The following SLC12A6 variants were observed in gnomAD, a reference collection of about 807,000 sequenced individuals.
SLC12A6 encodes K-Cl cotransporter 3.
A neutral mutation model predicts 135.3 loss-of-function variants in SLC12A6; 66 were observed. The observed-to-expected ratio is 0.49, with a 90% confidence interval of 0.40 to 0.60. The LOEUF (loss-of-function observed/expected upper bound fraction) is 0.60, where lower values mean the gene tolerates loss of function less well. SLC12A6 is among the 20% of genes least tolerant of loss of function. SLC12A6 has a pLI of 0.00. For missense variants in SLC12A6, 1,058 were observed against 1,452.3 expected, an observed-to-expected ratio of 0.73 and a Z score of 4.41; for synonymous variants, 513 against 508.8, an observed-to-expected ratio of 1.01 and a Z score of -0.11.
At chr15:34,309,735 G>A (rs1235778930) in intron 2 of SLC12A6, among the ~76,000 whole-genome samples, 1 of 152,168 alleles carries the variant, frequency 6.6e-6, no homozygotes, top group Non-Finnish European at 1.5e-5. Context: ...TTCTGACAAT[G>A]GCTGGATACT....
intron 2 of SLC12A6, among the ~76,000 whole-genome samples, chr15:34,312,116 G>A (rs775233055): frequency 1.4e-4 from 22 of 152,164 alleles, no homozygotes; most frequent in Non-Finnish European, 2.6e-4. Context: ...TGTTTTATCA[G>A]TGAAGGAAAG....
intron 2 of SLC12A6, among the ~76,000 whole-genome samples, chr15:34,294,610 C>T (rs1250096813): frequency 6.6e-6 from 1 of 151,560 alleles, no homozygotes; most frequent in Non-Finnish European, 1.5e-5. Context: ...TTCTGTTGCT[C>T]ATGATTGAGT....
chr15:34,315,083 TGAA>T (rs1470569749), intron 2 of SLC12A6, among the ~76,000 whole-genome samples: 1 of 152,218 alleles, frequency 6.6e-6, no homozygotes, highest in Non-Finnish European at 1.5e-5. Flanking sequence ...AATCTGCTGA[TGAA>T]GATGCTGTGA....
intron 8 of SLC12A6, among the ~76,000 whole-genome samples, 176 bp from the exon 9 acceptor site, chr15:34,254,765 A>AT (rs11345194): frequency 0.016 from 2,207 of 142,024 alleles, 29 homozygotes; most frequent in Middle Eastern, 0.033. Flanking sequence ...GATGTCATGG[A>AT]TTTTTTTTTT....
chr15:34,309,871 T>C (rs1400258041), intron 2 of SLC12A6, among the ~76,000 whole-genome samples: 1 of 152,134 alleles, frequency 6.6e-6, no homozygotes, highest in Non-Finnish European at 1.5e-5. Context: ...GGTAAAAGCC[T>C]CCCATGAATT....
At chr15:34,318,866 C>CA in intron 2 of SLC12A6, 4 of 1,426,710 alleles carry the variant, frequency 2.8e-6, no homozygotes, top group Non-Finnish European at 3.7e-6. Flanking sequence ...CGCTTGAAGA[C>CA]ACGCCTTCCA....
intron 3 of SLC12A6, among the ~76,000 whole-genome samples, chr15:34,271,534 T>G (rs1476053814): frequency 6.6e-6 from 1 of 152,018 alleles, no homozygotes; most frequent in African/African-American, 2.4e-5. Context: ...TGATAAAACT[T>G]TTAATAATGC....
intron 5 of SLC12A6, among the ~76,000 whole-genome samples, chr15:34,258,198 CA>C (rs1892883807): frequency 6.6e-6 from 1 of 152,138 alleles, no homozygotes; most frequent in Admixed American, 6.5e-5. Flanking sequence ...AATTAGATGG[CA>C]AAATGAAGAT....
chr15:34,322,863 A>T (rs1170647001), intron 2 of SLC12A6, among the ~76,000 whole-genome samples: 1 of 151,394 alleles, frequency 6.6e-6, no homozygotes, highest in Non-Finnish European at 1.5e-5. Flanking sequence ...CTGTAACCCC[A>T]GCTACTCGGG....
intron 2 of SLC12A6, among the ~76,000 whole-genome samples, chr15:34,310,174 AGT>A (rs60783164): frequency 0.06 from 7,686 of 127,368 alleles, 291 homozygotes; most frequent in Middle Eastern, 0.086. Flanking sequence ...ACGCCCAGCT[AGT>A]GTGTGTGTGT....
chr15:34,302,757 C>G (rs1446963887), intron 2 of SLC12A6, among the ~76,000 whole-genome samples: 2 of 151,854 alleles, frequency 1.3e-5, no homozygotes, highest in Middle Eastern at 3.4e-3. Context: ...TCAAGACCAG[C>G]CTGGGCAACA....
intron 2 of SLC12A6, among the ~76,000 whole-genome samples, chr15:34,292,579 G>T (rs1566845489): frequency 2.0e-5 from 3 of 152,156 alleles, no homozygotes. Context: ...CTTTTGTTCA[G>T]ATATGCCCTG....
chr15:34,245,086 G>T (rs1891891334), intron 15 of SLC12A6, among the ~76,000 whole-genome samples, 199 bp downstream of exon 15: 1 of 152,180 alleles, frequency 6.6e-6, no homozygotes, highest in Non-Finnish European at 1.5e-5. Flanking sequence ...AACTTTTGAA[G>T]TTAAATAGGT....
chr15:34,309,734 T>C (rs1472539376), intron 2 of SLC12A6, among the ~76,000 whole-genome samples: 2 of 152,150 alleles, frequency 1.3e-5, no homozygotes, highest in Non-Finnish European at 2.9e-5. Context: ...TTTCTGACAA[T>C]GGCTGGATAC....
At chr15:34,310,012 T>G (rs929066730) in intron 2 of SLC12A6, among the ~76,000 whole-genome samples, 10 of 152,044 alleles carry the variant, frequency 6.6e-5, no homozygotes, top group African/African-American at 2.4e-4. Flanking sequence ...AATCTTTTTT[T>G]TTTTTTGAGA....
intron 2 of SLC12A6, among the ~76,000 whole-genome samples, chr15:34,315,506 C>T (rs1013143353): frequency 5.3e-5 from 8 of 152,012 alleles, no homozygotes; most frequent in East Asian, 3.8e-4. Flanking sequence ...AGGGGAGGAT[C>T]GCTTGAGCCC....
At chr15:34,318,477 A>G (rs891216381) in intron 2 of SLC12A6, 1 of 1,055,720 alleles carries the variant, frequency 9.5e-7, no homozygotes, top group East Asian at 2.4e-5. Flanking sequence ...TGTCCTAAAG[A>G]AGGCATTTTG....
rs2140912827 is a variant in SLC12A6 at position 34,280,747 on chromosome 15, C to T, written c.272-5358G>A. ...CCTGCACTGCATGTTTATTGCAGCA[C>T]TATTCACAGTAGCCAAGATATGGAC... On this transcript the variant is annotated intron_variant, in intron 2 of 25. Coordinates refer to ENST00000354181, the MANE Select transcript of SLC12A6 (RefSeq NM_001365088.1). Among the ~76,000 whole-genome samples, 2 of 152,172 alleles carry T rather than the reference C, an allele frequency of 1.3e-5. 1 individual carries two copies. Among genetic ancestry groups the T allele is most frequent in the East Asian group, 3.8e-4 (2 of 5,198 alleles).
intron 2 of SLC12A6, among the ~76,000 whole-genome samples, chr15:34,295,928 A>G (rs1489483266): frequency 3.3e-5 from 5 of 152,220 alleles, no homozygotes; most frequent in Non-Finnish European, 5.9e-5. Flanking sequence ...TGAACCCAGG[A>G]GAAGGAGGTT....
Sources: allele counts gnomAD v4.1 joint callset (sites outside exome capture counted in the v4.1 genomes callset), GRCh38; gene constraint gnomAD v4.1.1; transcripts MANE v1.5; gene names NCBI Gene and HGNC (gene_info 2026-07-23, HGNC 2026-07-21).